Variants in AMMECR1 observed in about 807,000 individuals in gnomAD.
AMMECR1 encodes the protein AMMECR nuclear protein 1.
In AMMECR1, 3 loss-of-function variants were observed where a neutral mutation model predicts 22.5. That is an observed-to-expected ratio of 0.13 (90% confidence interval 0.06 to 0.35). AMMECR1 has a LOEUF of 0.35. Ranked by LOEUF, AMMECR1 falls within the 10% of genes least tolerant of loss-of-function variation. The pLI is 1.00. For synonymous variants in AMMECR1, 130 were observed against 116.7 expected, an observed-to-expected ratio of 1.11 and a Z score of -0.74; for missense variants, 235 against 278.7, an observed-to-expected ratio of 0.84 and a Z score of 1.12.
intron 2 of AMMECR1, among the ~76,000 whole-genome samples, chrX:110,254,303 T>C (rs960495725): frequency 8.9e-6 from 1 of 111,877 alleles, no homozygotes; most frequent in Non-Finnish European, 1.9e-5. Flanking sequence ...ATATTACATA[T>C]TACCTTGCAA....
At chrX:110,277,420 G>C (rs2067831560) in intron 1 of AMMECR1, among the ~76,000 whole-genome samples, 1 of 107,905 alleles carries the variant, frequency 9.3e-6, no homozygotes, top group African/African-American at 3.4e-5. Flanking sequence ...GCCTGTCATG[G>C]GGTGGGGGGC....
At chrX:110,251,426 A>G (rs2067685737) in intron 2 of AMMECR1, among the ~76,000 whole-genome samples, 1 of 111,751 alleles carries the variant, frequency 8.9e-6, no homozygotes, top group Admixed American at 9.5e-5. Flanking sequence ...ACATGAAAGA[A>G]TATATTTGGG....
rs764338705 is a variant in AMMECR1, at chrX:110,367,880, C to T, written c.-147-50031G>A. ...CTGGAATGGAGTGGCACAATCATAG[C>T]TCACTATAACTTCAGACTCCTGGGC... is the stretch of plus-strand genomic sequence containing the variant. On this transcript the variant is annotated intron_variant, in intron 2 of 7. Coordinates refer to the AMMECR1 transcript ENST00000372057. Among the ~76,000 whole-genome samples the T allele has an allele frequency of 2.7e-5, 3 of 109,815 alleles. No individual in the cohort carries two copies. The East Asian group carries it at 8.5e-4, about 31-fold the overall frequency.
chrX:110,375,627 A>T (rs2068371285), intron 2 of AMMECR1, among the ~76,000 whole-genome samples: 1 of 112,084 alleles, frequency 8.9e-6, no homozygotes, highest in South Asian at 3.7e-4. Context: ...ACTTCAAATG[A>T]AATCAGGGAT....
chrX:110,347,328 A>T (rs1251573400), intron 2 of AMMECR1, among the ~76,000 whole-genome samples: 3 of 112,480 alleles, frequency 2.7e-5, no homozygotes, highest in African/African-American at 6.5e-5. Flanking sequence ...ATATATTTTT[A>T]ATTAAAGTGC....
intron 1 of AMMECR1, among the ~76,000 whole-genome samples, chrX:110,274,734 T>C (rs1372056774): frequency 3.6e-5 from 4 of 111,770 alleles, no homozygotes; most frequent in Non-Finnish European, 7.5e-5. Flanking sequence ...GCTGACAGAG[T>C]TGGGTTTAAG....
intron 2 of AMMECR1, among the ~76,000 whole-genome samples, chrX:110,262,525 T>G (rs2067747169): frequency 8.9e-6 from 1 of 112,477 alleles, no homozygotes; most frequent in Admixed American, 9.3e-5. Flanking sequence ...ATCACATTAT[T>G]GTCAGAAAAT....
intron 2 of AMMECR1, among the ~76,000 whole-genome samples, chrX:110,256,385 C>T (rs1444372280): frequency 8.9e-6 from 1 of 111,806 alleles, no homozygotes; most frequent in Non-Finnish European, 1.9e-5. Flanking sequence ...AATTTCCTAG[C>T]ATCTATGATA....
chrX:110,351,136 G>A (rs1158965583), intron 2 of AMMECR1, among the ~76,000 whole-genome samples: 1 of 112,096 alleles, frequency 8.9e-6, no homozygotes, highest in East Asian at 2.8e-4. Flanking sequence ...CATGTTCGTG[G>A]TGTGCAGGAG....
intron 2 of AMMECR1, among the ~76,000 whole-genome samples, chrX:110,395,511 C>T (rs955065934): frequency 6.2e-5 from 7 of 112,276 alleles, no homozygotes; most frequent in South Asian, 3.7e-4. Flanking sequence ...CATTTTGTCA[C>T]GATTTAACAG....
chrX:110,344,981 C>T (rs1376524211), intron 2 of AMMECR1, among the ~76,000 whole-genome samples: 1 of 112,120 alleles, frequency 8.9e-6, no homozygotes, highest in African/African-American at 3.2e-5. Context: ...TTGACCCAGC[C>T]ATCCCATTAC....
At chrX:110,258,094 G>A (rs2067719897) in intron 2 of AMMECR1, among the ~76,000 whole-genome samples, 1 of 111,979 alleles carries the variant, frequency 8.9e-6, no homozygotes, top group African/African-American at 3.2e-5. Context: ...CATTTTGCCT[G>A]TGGCTCTTAA....
chrX:110,304,349 A>G (rs2067983171), intron 1 of AMMECR1, among the ~76,000 whole-genome samples: 1 of 112,397 alleles, frequency 8.9e-6, no homozygotes, highest in South Asian at 3.6e-4. Flanking sequence ...AAATTTCTTC[A>G]TTAACTTTAG....
At chrX:110,399,709 T>G (rs1465803220) in intron 2 of AMMECR1, among the ~76,000 whole-genome samples, 5 of 111,745 alleles carry the variant, frequency 4.5e-5, no homozygotes. Flanking sequence ...CTTGGGAGGC[T>G]CAGAAAAACA....
chrX:110,374,641 G>A (rs1406559633), intron 2 of AMMECR1, among the ~76,000 whole-genome samples: 2 of 112,021 alleles, frequency 1.8e-5, no homozygotes, highest in African/African-American at 6.5e-5. Context: ...ATCACTGAGA[G>A]CTAGAGCTGT....
intron 3 of AMMECR1, among the ~76,000 whole-genome samples, chrX:110,214,067 T>A (rs965063224): frequency 1.3e-4 from 14 of 110,029 alleles, no homozygotes; most frequent in African/African-American, 4.6e-4. Context: ...ATCGAGACCA[T>A]CCTGGATAAC....
chrX:110,385,380 T>A lies in AMMECR1; in HGVS notation c.-148+41278A>T, dbSNP rs769346392. 3.6e-5 allele frequency among the ~76,000 whole-genome samples: 4 copies of A among 111,755 alleles called. No homozygotes were observed. The South Asian group carries it at 1.5e-3, about 42-fold the overall frequency. ...TGAATTATATCTCAATAAATTCACC[T>A]ATTTAAAGTGTACAGTTCAGTCATT... is the stretch of plus-strand genomic sequence containing the variant. On this transcript the variant is annotated intron_variant, in intron 2 of 7. Coordinates refer to the AMMECR1 transcript ENST00000372057.
chrX:110,278,138 G>A (rs1329892509), intron 1 of AMMECR1, among the ~76,000 whole-genome samples: 5 of 111,721 alleles, frequency 4.5e-5, no homozygotes, highest in Non-Finnish European at 7.5e-5. Flanking sequence ...TAATAACAAT[G>A]CCATATCTAT....
At chrX:110,273,829 G>A (rs1451594013) in intron 1 of AMMECR1, among the ~76,000 whole-genome samples, 1 of 111,922 alleles carries the variant, frequency 8.9e-6, no homozygotes, top group Non-Finnish European at 1.9e-5. Flanking sequence ...GTGTTCCACT[G>A]ATCTGTTTGT....
Sources: allele counts gnomAD v4.1 joint callset (sites outside exome capture counted in the v4.1 genomes callset), GRCh38; gene constraint gnomAD v4.1.1; transcripts MANE v1.5; gene names NCBI Gene and HGNC (gene_info 2026-07-23, HGNC 2026-07-21).